The following EIPR1 variants were observed in gnomAD, a reference collection of about 807,000 sequenced individuals.
EIPR1 encodes EARP complex and GARP complex interacting protein 1.
Under a neutral mutation model 48.1 loss-of-function variants are expected in EIPR1, and 25 were observed. That is an observed-to-expected ratio of 0.52 (90% CI 0.38 to 0.73). The LOEUF is 0.73. Ranked by LOEUF, EIPR1 falls within the 30% of genes least tolerant of loss-of-function variation. The probability of loss-of-function intolerance (pLI) is 0.00; values close to 1 mark genes in which losing one functional copy is unlikely to be tolerated. For missense variants in EIPR1, 415 were observed against 506.2 expected (o/e 0.82, Z 1.73); for synonymous variants, 204 against 201.9 (o/e 1.01, Z -0.09).
chr2:3,298,431 C>T (rs988098585), intron 3 of EIPR1: 1 of 152,030 alleles, frequency 6.6e-6, no homozygotes, highest in Non-Finnish European at 1.5e-5. Context: ...TATTGCTTCC[C>T]CTGGACCCAT....
intron 2 of EIPR1, among the ~76,000 whole-genome samples, chr2:3,352,406 A>G (rs1670605032): frequency 6.7e-6 from 1 of 150,294 alleles, no homozygotes; most frequent in African/African-American, 2.5e-5. Flanking sequence ...CAGCATATCC[A>G]TGCTACAGAA....
chr2:3,316,130 C>T (rs1669288525), intron 3 of EIPR1, among the ~76,000 whole-genome samples: 1 of 135,958 alleles, frequency 7.4e-6, no homozygotes, highest in Admixed American at 7.3e-5. Flanking sequence ...CCCATACACA[C>T]CCCCACCACC....
chr2:3,267,977 C>G (rs1237531014), intron 3 of EIPR1, among the ~76,000 whole-genome samples: 2 of 152,236 alleles, frequency 1.3e-5, no homozygotes, highest in Non-Finnish European at 2.9e-5. Flanking sequence ...TGGCTGCTGT[C>G]CTTGGAGGTG....
intron 5 of EIPR1, among the ~76,000 whole-genome samples, chr2:3,204,691 G>A (rs1020879392): frequency 1.3e-5 from 2 of 152,208 alleles, no homozygotes; most frequent in Non-Finnish European, 2.9e-5. Context: ...AGCAGTTCAT[G>A]TGGAGCATAT....
At chr2:3,317,270 G>A (rs1669337994) in intron 3 of EIPR1, among the ~76,000 whole-genome samples, 1 of 151,828 alleles carries the variant, frequency 6.6e-6, no homozygotes, top group Non-Finnish European at 1.5e-5. Flanking sequence ...TTGCATGCCG[G>A]GTAGAGAACA....
chr2:3,293,007 T>TA (rs930219830), intron 3 of EIPR1, among the ~76,000 whole-genome samples: 2 of 152,364 alleles, frequency 1.3e-5, no homozygotes, highest in African/African-American at 4.8e-5. Context: ...ATGAAGCCTT[T>TA]CTGGGCAGAC....
chr2:3,341,246 G>C (rs375103575), intron 2 of EIPR1, among the ~76,000 whole-genome samples: 1 of 151,894 alleles, frequency 6.6e-6, no homozygotes, highest in South Asian at 2.1e-4. Context: ...AATCAGACAC[G>C]AGAAGGAGCA....
chr2:3,350,945 CAA>C (rs11344032), intron 2 of EIPR1, among the ~76,000 whole-genome samples: 23 of 122,340 alleles, frequency 1.9e-4, no homozygotes, highest in East Asian at 2.5e-4. Context: ...TACTTCGTTC[CAA>C]AAAAAAAAAA....
intron 4 of EIPR1, among the ~76,000 whole-genome samples, chr2:3,257,039 T>C (rs551022984): frequency 4.5e-4 from 69 of 152,288 alleles, no homozygotes; most frequent in African/African-American, 1.6e-3. Flanking sequence ...CTTTACCCTC[T>C]GGCAGGTCCC....
At chr2:3,348,042 G>C (rs1288555990) in intron 2 of EIPR1, among the ~76,000 whole-genome samples, 2 of 152,214 alleles carry the variant, frequency 1.3e-5, no homozygotes, top group Non-Finnish European at 2.9e-5. Context: ...GTGATTCTGA[G>C]CACAGGTGAG....
intron 5 of EIPR1, among the ~76,000 whole-genome samples, chr2:3,198,652 G>A (rs151117605): frequency 6.6e-6 from 1 of 152,246 alleles, no homozygotes; most frequent in Non-Finnish European, 1.5e-5. Flanking sequence ...TGGGTGTCTG[G>A]GGGAGACATC....
intron 3 of EIPR1, among the ~76,000 whole-genome samples, chr2:3,261,213 A>G (rs944542218): frequency 1.2e-4 from 19 of 152,260 alleles, no homozygotes; most frequent in African/African-American, 4.6e-4. Context: ...CTGTGGAGAC[A>G]GTTAATAGAG....
At chr2:3,279,722 T>A (rs1474632984) in intron 3 of EIPR1, among the ~76,000 whole-genome samples, 1 of 152,262 alleles carries the variant, frequency 6.6e-6, no homozygotes, top group Non-Finnish European at 1.5e-5. Flanking sequence ...CCTGCTCATC[T>A]GTGCAACTGC....
At chr2:3,214,304 G>T in intron 4 of EIPR1, 56 bp from the exon 5 acceptor site, 1 of 1,514,582 alleles carries the variant, frequency 6.6e-7, no homozygotes. Context: ...ACCCAGGCTG[G>T]TAGGTAAGAG....
intron 3 of EIPR1, among the ~76,000 whole-genome samples, chr2:3,281,538 GAA>G (rs1668011324): frequency 6.6e-6 from 1 of 152,080 alleles, no homozygotes; most frequent in Non-Finnish European, 1.5e-5. Flanking sequence ...GAAAAATCTG[GAA>G]ATTTAGTCAG....
In EIPR1 at chr2:3,214,212, G is replaced by T. The variant is rs373857416; in HGVS notation, c.453C>A (p.Ile151=). 4 of 1,613,672 alleles carry T rather than the reference G, an allele frequency of 2.5e-6. No homozygotes were observed. In the African/African-American group the frequency reaches 4.0e-5, roughly 16 times the overall value. Residue 151 remains isoleucine (I), a synonymous_variant, in exon 5 of 9, where the codon ATC becomes ATA. Transcript: ENST00000382125. ...VWEPMGDGKK[I]ISLADNHILL... is the part of the protein sequence containing the mutation. ...GGATATGGTTATCAGCCAAGGAAAT[G>T]ATTTTCTTCCCATCTCCCATTGGCT...
chr2:3,377,640 T>C lies in EIPR1; in HGVS notation c.42+8A>G, dbSNP rs1032108477. 6.4e-6 allele frequency: 10 copies of C among 1,571,452 alleles called. No homozygotes were observed. The Admixed American group carries it at 1.7e-4, about 26-fold the overall frequency. ...CGAGCAGCACCTGCCGCCCTCCCAG[T>C]GACCCACCTGGAACTCCAGCCCGTA... On this transcript the variant is annotated splice_region_variant and intron_variant, in intron 1 of 8. Coordinates refer to ENST00000382125, the MANE Select transcript of EIPR1 (RefSeq NM_003310.5).
intron 4 of EIPR1, among the ~76,000 whole-genome samples, chr2:3,252,288 C>T (rs976535525): frequency 2.6e-5 from 4 of 152,000 alleles, no homozygotes; most frequent in South Asian, 4.2e-4. Context: ...GCAACTCCTA[C>T]GAAGATAAAA....
chr2:3,193,159 G>A (rs905777510), intron 7 of EIPR1, among the ~76,000 whole-genome samples: 7 of 152,226 alleles, frequency 4.6e-5, no homozygotes, highest in Non-Finnish European at 1.5e-5. Flanking sequence ...ACGCTAGGAG[G>A]TGCACCCAGC....
Sources: allele counts gnomAD v4.1 joint callset (sites outside exome capture counted in the v4.1 genomes callset), GRCh38; gene constraint gnomAD v4.1.1; transcripts MANE v1.5; gene names NCBI Gene and HGNC (gene_info 2026-07-23, HGNC 2026-07-21).